Variants in TAF3 observed in about 807,000 individuals in gnomAD.
TAF3 encodes the protein TATA-box binding protein associated factor 3.
Under a neutral mutation model 80.6 loss-of-function variants are expected in TAF3, and 7 were observed. The ratio of observed to expected loss-of-function variants is 0.09; its 90% CI spans 0.05 to 0.16. TAF3 has a LOEUF of 0.16. Ranked by LOEUF, TAF3 falls within the 10% of genes least tolerant of loss-of-function variation. The pLI, the probability that TAF3 is intolerant of heterozygous loss-of-function variation, is 1.00. For missense variants in TAF3, 921 were observed against 1,140.2 expected (o/e 0.81, Z 2.77); for synonymous variants, 444 against 446.1 (o/e 1.00, Z 0.06).
At chr10:7,889,434 C>G (rs374730752) in intron 2 of TAF3, among the ~76,000 whole-genome samples, 4 of 152,344 alleles carry the variant, frequency 2.6e-5, no homozygotes, top group African/African-American at 9.6e-5. Context: ...TCACATCTGT[C>G]TGTTACAGAT....
intron 2 of TAF3, among the ~76,000 whole-genome samples, chr10:7,893,689 G>A (rs751138906): frequency 1.3e-4 from 20 of 151,998 alleles, no homozygotes; most frequent in African/African-American, 3.9e-4. Context: ...TGCTTCTAGC[G>A]TAGGCCTGGC....
At chr10:7,916,991 G>C (rs1837717387) in intron 2 of TAF3, among the ~76,000 whole-genome samples, 1 of 152,194 alleles carries the variant, frequency 6.6e-6, no homozygotes, top group Non-Finnish European at 1.5e-5. Context: ...GATTCATAGG[G>C]ATCTGGGTTC....
Position 7,964,356 on chromosome 10 carries a change from G to T in TAF3, c.846G>T (p.Lys282Asn), listed in dbSNP as rs1260562390. 1.2e-6 allele frequency: 2 copies of T among 1,614,116 alleles called. No homozygotes were observed. Among genetic ancestry groups the T allele is most frequent in the Admixed American group, 3.3e-5 (2 of 60,016 alleles). ...TKTKTSSPGQ[K>N]TKSPKTAQSP... Reference sequence around the variant, plus strand: ...CTAAAACTAGCTCTCCAGGACAGAAGACTAAATCACCTAAAACCGCCCAGT... The same window carrying T: ...CTAAAACTAGCTCTCCAGGACAGAATACTAAATCACCTAAAACCGCCCAGT... Residue 282 changes from lysine to asparagine, a missense_variant, in exon 3 of 7, where the codon AAG becomes AAT. Physicochemically the swap from Lys to Asn is moderately conservative, Grantham distance 94 (BLOSUM62 0). Coordinates refer to ENST00000344293, the MANE Select transcript of TAF3 (RefSeq NM_031923.4). The surrounding 1 kb of genome is among the most constrained non-coding windows in gnomAD (Gnocchi z 4.1).
chr10:7,916,237 A>G (rs1837711237), intron 2 of TAF3, among the ~76,000 whole-genome samples: 1 of 152,182 alleles, frequency 6.6e-6, no homozygotes, highest in Non-Finnish European at 1.5e-5. Context: ...TCTTTGTCTG[A>G]ATCTCCTTCA....
chr10:8,011,235 T>C (rs1454900275), intron 5 of TAF3, among the ~76,000 whole-genome samples: 5 of 152,122 alleles, frequency 3.3e-5, no homozygotes, highest in Non-Finnish European at 7.4e-5. Flanking sequence ...AACTGTACAA[T>C]ATTACATTTC....
intron 2 of TAF3, among the ~76,000 whole-genome samples, chr10:7,838,929 G>GGTTGT: frequency 1.1e-5 from 1 of 88,386 alleles, no homozygotes; most frequent in South Asian, 4.0e-4. Context: ...TTTTTGGTTT[G>GGTTGT]TTTGTTTTGT....
intron 2 of TAF3, among the ~76,000 whole-genome samples, chr10:7,913,828 T>G (rs1837679840): frequency 6.6e-6 from 1 of 152,210 alleles, no homozygotes; most frequent in Non-Finnish European, 1.5e-5. Flanking sequence ...TGAAGTGCAG[T>G]CAAGACTTCA....
intron 2 of TAF3, among the ~76,000 whole-genome samples, chr10:7,863,287 T>A (rs115719838): frequency 0.029 from 4,387 of 151,696 alleles, 94 homozygotes; most frequent in South Asian, 0.085. Context: ...TGGAGAGAGT[T>A]GAGATCTTCA....
intron 2 of TAF3, among the ~76,000 whole-genome samples, chr10:7,858,614 T>C (rs941521228): frequency 3.3e-5 from 5 of 152,226 alleles, no homozygotes; most frequent in African/African-American, 7.2e-5. Context: ...AGTTCAGTCT[T>C]TTTGTGTGTT....
intron 2 of TAF3, among the ~76,000 whole-genome samples, chr10:7,838,908 G>GTTTTTTTTTTTTTTTTTTTTTTTTTTT (rs71505463): frequency 9.8e-6 from 1 of 101,862 alleles, no homozygotes; most frequent in African/African-American, 3.9e-5. Flanking sequence ...GGCATTGCTT[G>GTTTTTTTTTTTTTTTTTTTTTTTTTTT]TTTTTTTTTT....
At chr10:7,823,871 GA>G (rs1208278283) in intron 1 of TAF3, among the ~76,000 whole-genome samples, 1 of 151,426 alleles carries the variant, frequency 6.6e-6, no homozygotes, top group East Asian at 1.9e-4. Context: ...TTGACCTTGT[GA>G]TCCGCCCACC....
chr10:8,011,245 CT>C lies in TAF3; in HGVS notation c.2568+1923del, dbSNP rs376302392. ...TTATAAACTGTACAATATTACATTT[CT>C]TTTTTTTATGTTTTCTTTTTTTCTT... On this transcript the variant is annotated intron_variant, in intron 5 of 6. Coordinates refer to ENST00000344293, the MANE Select transcript of TAF3 (RefSeq NM_031923.4). Among the ~76,000 whole-genome samples the C allele has an allele frequency of 3.5e-3, 537 of 151,926 alleles. 3 individuals are homozygous for C. The highest frequency in any genetic ancestry group is 0.028 in the East Asian group (144 of 5,162).
At chr10:7,901,115 A>T (rs970821978) in intron 2 of TAF3, among the ~76,000 whole-genome samples, 1 of 152,104 alleles carries the variant, frequency 6.6e-6, no homozygotes, top group Non-Finnish European at 1.5e-5. Flanking sequence ...ATAAACCTGT[A>T]TCTTTTATGG....
intron 2 of TAF3, among the ~76,000 whole-genome samples, chr10:7,884,756 T>A (rs1164327161): frequency 6.6e-6 from 1 of 152,206 alleles, no homozygotes. Flanking sequence ...TATTACAATG[T>A]CATTGCTTTT....
chr10:7,856,011 CA>C (rs772111501), intron 2 of TAF3, among the ~76,000 whole-genome samples: 60 of 151,602 alleles, frequency 4.0e-4, no homozygotes, highest in Admixed American at 1.4e-3. Flanking sequence ...AACCAGGAAG[CA>C]AGAGCAGGGT....
intron 2 of TAF3, among the ~76,000 whole-genome samples, chr10:7,841,514 G>A (rs533070135): frequency 2.0e-5 from 3 of 152,340 alleles, no homozygotes; most frequent in African/African-American, 7.2e-5. Context: ...ACAGGAATAA[G>A]GGAATCAATG....
At chr10:7,829,321 GTTA>G (rs1428527702) in intron 2 of TAF3, among the ~76,000 whole-genome samples, 1 of 152,158 alleles carries the variant, frequency 6.6e-6, no homozygotes, top group Non-Finnish European at 1.5e-5. Flanking sequence ...ATATTGACAT[GTTA>G]TTATTAAGTG....
At chr10:8,007,838 A>G (rs541169709) in intron 4 of TAF3, among the ~76,000 whole-genome samples, 2 of 151,796 alleles carry the variant, frequency 1.3e-5, no homozygotes, top group East Asian at 3.9e-4. Flanking sequence ...TCCTCAATAA[A>G]TAGTGCTTTT....
chr10:7,935,767 C>T (rs116647697), intron 2 of TAF3, among the ~76,000 whole-genome samples: 1,541 of 152,058 alleles, frequency 0.01, 27 homozygotes, highest in African/African-American at 0.035. Context: ...AGAGAGGAAG[C>T]GCAGATTCCA....
Sources: allele counts gnomAD v4.1 joint callset (sites outside exome capture counted in the v4.1 genomes callset), GRCh38; gene constraint gnomAD v4.1.1; non-coding constraint Gnocchi (gnomAD v3.1); transcripts MANE v1.5; gene names NCBI Gene and HGNC (gene_info 2026-07-23, HGNC 2026-07-21).